Variants in GALNTL6 observed in about 807,000 individuals in gnomAD.
GALNTL6 encodes polypeptide N-acetylgalactosaminyltransferase-like 6.
GALNTL6 carries 46 observed loss-of-function variants against 73.7 expected under a neutral mutation model. That is an observed-to-expected ratio of 0.62 (90% CI 0.49 to 0.80). The LOEUF (loss-of-function observed/expected upper bound fraction) is 0.80, where lower values mean the gene tolerates loss of function less well. GALNTL6 is among the 30% of genes least tolerant of loss of function. The pLI is 0.00. For synonymous variants in GALNTL6, 259 were observed against 263.7 expected (o/e 0.98, Z 0.17); for missense variants, 604 against 755.0 (o/e 0.80, Z 2.34).
intron 5 of GALNTL6, among the ~76,000 whole-genome samples, chr4:172,480,951 A>C (rs1463830361): frequency 6.6e-6 from 1 of 152,198 alleles, no homozygotes; most frequent in East Asian, 1.9e-4. Context: ...GAAGTGGCAA[A>C]TTGACATTTT....
At chr4:171,889,177 A>T (rs1322341966) in intron 2 of GALNTL6, among the ~76,000 whole-genome samples, 1 of 152,098 alleles carries the variant, frequency 6.6e-6, no homozygotes, top group Non-Finnish European at 1.5e-5. Context: ...AGTCTTTGAC[A>T]TAATAGGAGG....
At chr4:172,727,721 A>G (rs1735902005) in intron 5 of GALNTL6, among the ~76,000 whole-genome samples, 1 of 152,170 alleles carries the variant, frequency 6.6e-6, no homozygotes, top group African/African-American at 2.4e-5. Context: ...TAACACCATT[A>G]TGTGTATTAA....
chr4:172,152,232 C>T (rs1734111623), intron 2 of GALNTL6, among the ~76,000 whole-genome samples: 1 of 152,194 alleles, frequency 6.6e-6, no homozygotes, highest in Non-Finnish European at 1.5e-5. Context: ...CCCACCTCAG[C>T]CTCCCAAAGT....
chr4:171,913,787 C>T (rs905358306), intron 2 of GALNTL6, among the ~76,000 whole-genome samples: 6 of 152,058 alleles, frequency 3.9e-5, no homozygotes, highest in Non-Finnish European at 8.8e-5. Context: ...TATGATTCAA[C>T]TAATGAAGCA....
chr4:171,931,992 A>C (rs1350072354), intron 2 of GALNTL6, among the ~76,000 whole-genome samples: 1 of 152,218 alleles, frequency 6.6e-6, no homozygotes, highest in Admixed American at 6.5e-5. Context: ...GAAAGTAATA[A>C]CTGATAGAAC....
At chr4:171,921,078 C>T (rs10031122) in intron 2 of GALNTL6, among the ~76,000 whole-genome samples, 34,936 of 151,598 alleles carry the variant, frequency 0.23, 4,229 homozygotes, top group African/African-American at 0.3. Context: ...TAATAGGATA[C>T]CAATGTATGA....
intron 8 of GALNTL6, among the ~76,000 whole-genome samples, chr4:172,887,535 C>CA (rs1745785089): frequency 1.6e-5 from 2 of 121,964 alleles, no homozygotes; most frequent in African/African-American, 6.3e-5. Flanking sequence ...ATATTTTAAC[C>CA]TTTTATTTAT....
chr4:172,733,096 A>G (rs1736248826), intron 5 of GALNTL6, among the ~76,000 whole-genome samples: 1 of 152,088 alleles, frequency 6.6e-6, no homozygotes, highest in Non-Finnish European at 1.5e-5. Flanking sequence ...TCCCTTTAGC[A>G]TTTCTTGCAA....
At chr4:172,239,140 C>G (rs1298604498) in intron 3 of GALNTL6, among the ~76,000 whole-genome samples, 1 of 152,112 alleles carries the variant, frequency 6.6e-6, no homozygotes, top group African/African-American at 2.4e-5. Flanking sequence ...GGAATCTCTC[C>G]TACTCAACTT....
chr4:172,650,740 T>C (rs1472258354), intron 5 of GALNTL6, among the ~76,000 whole-genome samples: 1 of 152,110 alleles, frequency 6.6e-6, no homozygotes, highest in Admixed American at 6.5e-5. Context: ...GAATTGACTT[T>C]GAATAACAGT....
At chr4:172,248,593 C>T (rs372445561) in intron 3 of GALNTL6, among the ~76,000 whole-genome samples, 10 of 152,232 alleles carry the variant, frequency 6.6e-5, no homozygotes, top group African/African-American at 2.2e-4. Flanking sequence ...TAATAGTAAG[C>T]CACTGATATG....
At chr4:172,210,926 A>AT (rs1405843425) in intron 2 of GALNTL6, among the ~76,000 whole-genome samples, 2 of 152,120 alleles carry the variant, frequency 1.3e-5, no homozygotes, top group East Asian at 3.8e-4. Context: ...ACCAAATATT[A>AT]TTTTTTAATT....
At chr4:172,215,754 A>G (rs1012074609) in intron 2 of GALNTL6, among the ~76,000 whole-genome samples, 1 of 152,078 alleles carries the variant, frequency 6.6e-6, no homozygotes, top group Non-Finnish European at 1.5e-5. Flanking sequence ...TAACTGTTTT[A>G]TATCTGTTGC....
At chr4:172,606,619 GTATATATATACTATATATATAC>G (rs1161560310) in intron 5 of GALNTL6, among the ~76,000 whole-genome samples, 2 of 33,052 alleles carry the variant, frequency 6.1e-5, no homozygotes, top group African/African-American at 7.0e-5. Flanking sequence ...TACATATATA[GTATATATATACTATATATATAC>G]TATATATATA....
intron 5 of GALNTL6, among the ~76,000 whole-genome samples, chr4:172,743,897 GATAA>G (rs1736946947): frequency 7.7e-6 from 1 of 129,308 alleles, no homozygotes; most frequent in Non-Finnish European, 1.7e-5. Flanking sequence ...AGGCAAAACA[GATAA>G]GTTAAATGAG....
At chr4:173,003,063 CACA>C (rs1453069778) in intron 10 of GALNTL6, among the ~76,000 whole-genome samples, 1 of 152,120 alleles carries the variant, frequency 6.6e-6, no homozygotes, top group Non-Finnish European at 1.5e-5. Context: ...GTGATGGTTA[CACA>C]ACATTTTGAA....
At chr4:172,202,217 A>T (rs17058114) in intron 2 of GALNTL6, among the ~76,000 whole-genome samples, 6,389 of 152,294 alleles carry the variant, frequency 0.042, 424 homozygotes, top group African/African-American at 0.14. Flanking sequence ...TTGTAATTGC[A>T]TGGACTTTGC....
rs373724795 is a variant in GALNTL6, at chr4:172,252,375, C to T, written c.247+22611C>T. On this transcript the variant is annotated intron_variant, in intron 3 of 12. Transcript: ENST00000506823. ...GGGAATTAGGAGAGAATGCATATAC[C>T]GTTCAACATATCCAAGGTTGAGAGA... Among the ~76,000 whole-genome samples the T allele has an allele frequency of 1.5e-3, 226 of 152,092 alleles. 1 individual carries two copies. The highest frequency in any genetic ancestry group is 0.012 in the South Asian group (59 of 4,828).
intron 2 of GALNTL6, among the ~76,000 whole-genome samples, chr4:171,963,165 T>C (rs1176166741): frequency 1.3e-5 from 2 of 151,942 alleles, no homozygotes; most frequent in African/African-American, 4.8e-5. Flanking sequence ...GATCATAGTA[T>C]AGTAAATTTG....
Sources: gnomAD v4.1 joint callset for allele counts (sites outside exome capture counted in the v4.1 genomes callset) on GRCh38, gnomAD v4.1.1 for gene constraint, MANE v1.5 for transcripts, NCBI Gene and HGNC (gene_info 2026-07-23, HGNC 2026-07-21) for gene names.